The following INSR variants were observed in gnomAD, a reference collection of about 807,000 sequenced individuals.
The protein encoded by INSR is insulin receptor, also known as IR.
In INSR, 67 loss-of-function variants were observed where a neutral mutation model predicts 142.6. The ratio of observed to expected loss-of-function variants is 0.47; its 90% CI spans 0.39 to 0.58. The LOEUF is 0.58. Among genes scored for constraint, INSR ranks in the 20% least tolerant of loss-of-function variants. The probability of loss-of-function intolerance (pLI) is 0.00; values close to 1 mark genes in which losing one functional copy is unlikely to be tolerated. For synonymous variants in INSR, 756 were observed against 743.1 expected, an observed-to-expected ratio of 1.02 and a Z score of -0.28; for missense variants, 1,248 against 1,833.2, an observed-to-expected ratio of 0.68 and a Z score of 5.83.
At chr19:7,202,209 C>T (rs2396187) in intron 2 of INSR, among the ~76,000 whole-genome samples, 118,302 of 152,140 alleles carry the variant, frequency 0.78, 46,305 homozygotes, top group African/African-American at 0.86. Context: ...TGTGGCCACC[C>T]TACTGAGCAG....
rs1972522925 is a variant in INSR, at chr19:7,122,696, G to A, written c.3447C>T (p.Tyr1149=). Residue 1149 remains tyrosine, a synonymous_variant, in exon 19 of 22, where the codon TAC becomes TAT. Transcript: ENST00000302850. The part of the protein sequence containing the change: ...MAAEIADGMA[Y]LNAKKFVHRD... The stretch of plus-strand genomic sequence containing the variant: ...GATGCACAAACTTCTTGGCGTTCAG[G>A]TAGGCCATCCCGTCAGCAATCTCTG... The A allele has an allele frequency of 1.9e-6, 3 of 1,614,158 alleles. No individual in the cohort carries two copies. The highest frequency in any genetic ancestry group is 2.5e-6 in the Non-Finnish European group (3 of 1,180,010).
chr19:7,149,007 C>T (rs1973254158), intron 11 of INSR, among the ~76,000 whole-genome samples: 1 of 151,950 alleles, frequency 6.6e-6, no homozygotes, highest in South Asian at 2.1e-4. Flanking sequence ...CTTGGTCAGG[C>T]TGGTCTCGAA....
intron 13 of INSR, among the ~76,000 whole-genome samples, chr19:7,140,511 T>C (rs1337332784): frequency 6.6e-6 from 1 of 152,210 alleles, no homozygotes. Flanking sequence ...AGTTTCTGGA[T>C]TGAAATATCA....
intron 2 of INSR, among the ~76,000 whole-genome samples, chr19:7,238,090 G>A (rs1976219729): frequency 6.6e-6 from 1 of 152,070 alleles, no homozygotes; most frequent in Non-Finnish European, 1.5e-5. Context: ...GACTTGACCT[G>A]GCCAAACAAG....
intron 7 of INSR, among the ~76,000 whole-genome samples, chr19:7,167,721 A>G (rs897192138): frequency 6.6e-6 from 1 of 152,156 alleles, no homozygotes; most frequent in Non-Finnish European, 1.5e-5. Context: ...TGCCCCAGGA[A>G]ACTGGCCAGT....
chr19:7,272,822 T>A (rs1967963686), intron 1 of INSR, among the ~76,000 whole-genome samples: 1 of 152,126 alleles, frequency 6.6e-6, no homozygotes, highest in African/African-American at 2.4e-5. Flanking sequence ...ACTCAAGCAA[T>A]CCTCCAGTCT....
Position 7,119,007 on chromosome 19 carries a change from C to T in INSR, c.3794+442G>A, listed in dbSNP as rs62124488. ...AGTTCCCTTCTCCCAAGATAACTAC[C>T]GCTATAGGTGTTTTGTGCAACCTTC... On this transcript the variant is annotated intron_variant, in intron 21 of 21. Transcript: ENST00000302850. This position sits in a 1 kb window ranked among gnomAD's most constrained non-coding sequence, Gnocchi z 5.2. 0.076 allele frequency among the ~76,000 whole-genome samples: 11,496 copies of T among 151,784 alleles called. 517 individuals are homozygous for T. Among genetic ancestry groups the T allele is most frequent in the Non-Finnish European group, 0.094 (6,413 of 67,966 alleles).
chr19:7,143,116 A>C lies in INSR; in HGVS notation c.2268-26T>G, dbSNP rs1357484173. ...CTGGAACGACAGTAGGACATGTATG[A>C]TGACACCATCACCATCATTTTTTTT... On this transcript the variant is annotated intron_variant, in intron 11 of 21. Transcript: ENST00000302850. 3 of 1,613,332 alleles carry C rather than the reference A, an allele frequency of 1.9e-6. No individual in the cohort carries two copies. In the South Asian group the frequency reaches 3.3e-5, roughly 18 times the overall value.
intron 1 of INSR, among the ~76,000 whole-genome samples, chr19:7,286,060 G>A (rs977630130): frequency 6.6e-5 from 10 of 152,004 alleles, no homozygotes; most frequent in South Asian, 4.1e-4. Flanking sequence ...GCTCACTGGC[G>A]CCTCGACTTC....
rs538143841 is a variant in INSR at position 7,179,649 on chromosome 19, G to A, written c.974+4667C>T. Among the ~76,000 whole-genome samples, 15 of 152,270 alleles carry A rather than the reference G, an allele frequency of 9.9e-5. No homozygotes were observed. In the East Asian group the frequency reaches 1.7e-3, roughly 18 times the overall value. On this transcript the variant is annotated intron_variant, in intron 3 of 21. Coordinates refer to ENST00000302850, the MANE Select transcript of INSR (RefSeq NM_000208.4). ...GGCCACATTTATTGGTTAGTACATCGTCTAACCCTGCTTTCACGCTGCAAA... is the reference window on the plus strand; with the variant it reads ...GGCCACATTTATTGGTTAGTACATCATCTAACCCTGCTTTCACGCTGCAAA...
rs1972291104 is a variant in INSR, at chr19:7,115,072, T to C, written c.*1984A>G. ...ATATAAATAAGATAGCAATAGACAA[T>C]TGGGATTCATGTCTACCTGTGTTCT... On this transcript the variant is annotated 3_prime_UTR_variant, in exon 22 of 22. Transcript: ENST00000302850. The C allele has an allele frequency of 3.9e-5, 6 of 151,980 alleles. No homozygotes were observed. In the South Asian group the frequency reaches 1.0e-3, roughly 27 times the overall value. The allele number at this position is 151,980 out of a possible 1,614,324, so 9.4% of individuals were successfully genotyped here.
At chr19:7,270,516 CCA>C (rs796328783) in intron 1 of INSR, among the ~76,000 whole-genome samples, 122 of 152,114 alleles carry the variant, frequency 8.0e-4, no homozygotes, top group African/African-American at 2.8e-3. Flanking sequence ...GTTTGGGAGG[CCA>C]CAGTGAGAGG....
At chr19:7,135,102 A>AAAG (rs1474633782) in intron 13 of INSR, among the ~76,000 whole-genome samples, 2 of 148,244 alleles carry the variant, frequency 1.3e-5, no homozygotes, top group African/African-American at 4.9e-5. Flanking sequence ...AAAAAAAAAA[A>AAAG]AAAAAAAAAG....
Position 7,125,946 on chromosome 19 carries a change from G to A in INSR, c.3014-419C>T, listed in dbSNP as rs1377242964. Among the ~76,000 whole-genome samples, 1 of 152,178 alleles carries A rather than the reference G, an allele frequency of 6.6e-6. No individual in the cohort carries two copies. The highest frequency in any genetic ancestry group is 1.5e-5 in the Non-Finnish European group (1 of 68,028). ...TACTTGGAGCTCTTCCCATGAAAAG[G>A]TGGAGTCTATCTCACCACCCCTTGG... is the stretch of plus-strand genomic sequence containing the variant. On this transcript the variant is annotated intron_variant, in intron 16 of 21. Coordinates refer to ENST00000302850, the MANE Select transcript of INSR (RefSeq NM_000208.4). The surrounding 1 kb of genome is among the most constrained non-coding windows in gnomAD (Gnocchi z 4.9).
intron 13 of INSR, among the ~76,000 whole-genome samples, chr19:7,140,496 T>C (rs973981746): frequency 1.3e-5 from 2 of 152,164 alleles, no homozygotes; most frequent in African/African-American, 4.8e-5. Context: ...TAAAAAAAAT[T>C]TGGCAGTTTC....
chr19:7,270,339 T>TCTCTCTCTCACACACACA (rs1414011806), intron 1 of INSR, among the ~76,000 whole-genome samples: 1 of 120,248 alleles, frequency 8.3e-6, no homozygotes, highest in African/African-American at 3.4e-5. Context: ...TCTCTCTCTC[T>TCTCTCTCTCACACACACA]CACACACACA....
At chr19:7,181,422 AT>A (rs1167933083) in intron 3 of INSR, among the ~76,000 whole-genome samples, 2 of 152,132 alleles carry the variant, frequency 1.3e-5, no homozygotes, top group Non-Finnish European at 2.9e-5. Flanking sequence ...ATTTTAGGTA[AT>A]TCTCCCCTTC....
intron 2 of INSR, among the ~76,000 whole-genome samples, chr19:7,195,697 G>A (rs756961065): frequency 2.6e-5 from 4 of 151,744 alleles, no homozygotes; most frequent in Non-Finnish European, 4.4e-5. Flanking sequence ...TGTTGGGAAA[G>A]ACACAGAAAA....
chr19:7,259,979 T>TA (rs906978779), intron 2 of INSR, among the ~76,000 whole-genome samples: 3 of 151,574 alleles, frequency 2.0e-5, no homozygotes, highest in Admixed American at 6.6e-5. Context: ...CATCTCAATT[T>TA]AAAAAAATAT....
Sources: allele counts gnomAD v4.1 joint callset (sites outside exome capture counted in the v4.1 genomes callset), GRCh38; gene constraint gnomAD v4.1.1; non-coding constraint Gnocchi (gnomAD v3.1); transcripts MANE v1.5; gene names NCBI Gene and HGNC (gene_info 2026-07-23, HGNC 2026-07-21).